The following CSMD1 variants were observed in gnomAD, a reference collection of about 807,000 sequenced individuals.
CSMD1 encodes the protein CUB and sushi domain-containing protein 1.
A neutral mutation model predicts 417.5 loss-of-function variants in CSMD1; 213 were observed. The observed-to-expected ratio is 0.51, with a 90% CI of 0.46 to 0.57. The LOEUF is 0.57. CSMD1 is among the 20% of genes least tolerant of loss of function. CSMD1 has a pLI of 0.00. For missense variants in CSMD1, 6,923 were observed against 4,529.7 expected, an observed-to-expected ratio of 1.53 and a Z score of -15.17; for synonymous variants, 2,862 against 1,736.8, an observed-to-expected ratio of 1.65 and a Z score of -16.11.
intron 6 of CSMD1, among the ~76,000 whole-genome samples, chr8:3,731,563 G>T (rs531987663): frequency 6.6e-6 from 1 of 152,100 alleles, no homozygotes; most frequent in Non-Finnish European, 1.5e-5. Flanking sequence ...TTCCACCCGT[G>T]AAGAATCTAA....
chr8:4,540,921 A>G (rs1797351498), intron 2 of CSMD1, among the ~76,000 whole-genome samples: 1 of 152,214 alleles, frequency 6.6e-6, no homozygotes, highest in Non-Finnish European at 1.5e-5. Flanking sequence ...ATGAGGCTGT[A>G]GACTAAACTG....
intron 2 of CSMD1, among the ~76,000 whole-genome samples, chr8:4,632,302 C>A (rs751361762): frequency 6.6e-6 from 1 of 152,136 alleles, no homozygotes; most frequent in Non-Finnish European, 1.5e-5. Flanking sequence ...CACCTGAGGT[C>A]AGGAGTTCTA....
chr8:4,078,494 G>A (rs180777806), intron 3 of CSMD1, among the ~76,000 whole-genome samples: 1 of 151,540 alleles, frequency 6.6e-6, no homozygotes, highest in Non-Finnish European at 1.5e-5. Context: ...TCGATCTCCT[G>A]ACCTTGTGAT....
intron 5 of CSMD1, among the ~76,000 whole-genome samples, chr8:3,872,983 C>T (rs542080111): frequency 5.3e-5 from 8 of 151,996 alleles, no homozygotes; most frequent in Middle Eastern, 3.4e-3. Context: ...TAGAGAAACG[C>T]AAATCAAAAC....
chr8:3,354,600 T>A (rs1391961453), intron 21 of CSMD1, among the ~76,000 whole-genome samples: 1 of 152,054 alleles, frequency 6.6e-6, no homozygotes, highest in Non-Finnish European at 1.5e-5. Context: ...TTTAAGAATT[T>A]CACAAAATGG....
chr8:3,099,420 G>A lies in CSMD1; in HGVS notation c.6950-2383C>T, dbSNP rs140321123. On this transcript the variant is annotated intron_variant, in intron 46 of 69. Transcript: ENST00000635120. ...CTGTCTGTGGTGGAGCAGATGGCAG[G>A]TTCAATAAACTTATTCACCTGACTT... Among the ~76,000 whole-genome samples the A allele has an allele frequency of 3.2e-3, 489 of 152,204 alleles. 5 individuals carry two copies. Among genetic ancestry groups the A allele is most frequent in the African/African-American group, 0.011 (469 of 41,526 alleles).
chr8:4,090,272 G>C (rs1585292017), intron 3 of CSMD1, among the ~76,000 whole-genome samples: 1 of 152,156 alleles, frequency 6.6e-6, no homozygotes, highest in South Asian at 2.1e-4. Context: ...AAAGAGCTTA[G>C]ATTCTAATTA....
intron 1 of CSMD1, among the ~76,000 whole-genome samples, chr8:4,726,682 C>T (rs1045495463): frequency 6.6e-6 from 1 of 152,166 alleles, no homozygotes; most frequent in Admixed American, 6.5e-5. Flanking sequence ...TGCTGCTGTC[C>T]TATTTCATCA....
chr8:3,166,190 A>G (rs1323275995), intron 37 of CSMD1, among the ~76,000 whole-genome samples: 1 of 151,884 alleles, frequency 6.6e-6, no homozygotes, highest in Non-Finnish European at 1.5e-5. Flanking sequence ...ATGTACTTTA[A>G]AAAAAAAGAA....
At chr8:4,902,418 C>A (rs1221905513) in intron 1 of CSMD1, among the ~76,000 whole-genome samples, 3 of 148,434 alleles carry the variant, frequency 2.0e-5, no homozygotes, top group Non-Finnish European at 4.5e-5. Flanking sequence ...GAACAAGAAC[C>A]CATCTCTAAA....
At chr8:3,486,225 T>A (rs1270020996) in intron 11 of CSMD1, among the ~76,000 whole-genome samples, 2 of 152,166 alleles carry the variant, frequency 1.3e-5, no homozygotes, top group African/African-American at 4.8e-5. Context: ...ACTATAGTAA[T>A]ACAATATTAC....
At chr8:4,394,361 C>T (rs756958102) in intron 3 of CSMD1, among the ~76,000 whole-genome samples, 1 of 152,144 alleles carries the variant, frequency 6.6e-6, no homozygotes, top group Admixed American at 6.5e-5. Context: ...TCTAAATGTC[C>T]TGTTTCCATC....
intron 3 of CSMD1, among the ~76,000 whole-genome samples, chr8:4,067,497 T>G (rs1162579963): frequency 6.6e-6 from 1 of 152,088 alleles, no homozygotes; most frequent in Non-Finnish European, 1.5e-5. Flanking sequence ...TTTTTTTAAT[T>G]TCAAAATTTT....
intron 5 of CSMD1, among the ~76,000 whole-genome samples, chr8:3,973,013 T>C (rs1217016071): frequency 1.3e-5 from 2 of 152,270 alleles, no homozygotes; most frequent in African/African-American, 4.8e-5. Flanking sequence ...CATTTATTTT[T>C]CTCTTCTAAC....
In CSMD1 at chr8:4,162,188, T is replaced by C. The variant is rs144754457; in HGVS notation, c.416-130089A>G. 4.6e-5 allele frequency among the ~76,000 whole-genome samples: 7 copies of C among 152,336 alleles called. No homozygotes were observed. The East Asian group carries it at 1.2e-3, about 25-fold the overall frequency. ...CCTGCCTGCTTTGCGCAACTTTTCT[T>C]TCCAAAATTATATGCATGTCTTTTA... On this transcript the variant is annotated intron_variant, in intron 3 of 69. Coordinates refer to ENST00000635120, the MANE Select transcript of CSMD1 (RefSeq NM_033225.6).
chr8:3,668,670 G>A (rs139665645), intron 7 of CSMD1, among the ~76,000 whole-genome samples: 3 of 152,270 alleles, frequency 2.0e-5, no homozygotes, highest in Middle Eastern at 6.8e-3. Context: ...AGTCTGAGGT[G>A]TCCAGAGATC....
At chr8:2,942,039 C>A (rs894377245) in intron 69 of CSMD1, among the ~76,000 whole-genome samples, 9 of 152,218 alleles carry the variant, frequency 5.9e-5, no homozygotes, top group African/African-American at 2.2e-4. Flanking sequence ...CAGAAAACAA[C>A]AGAAAGGACA....
intron 3 of CSMD1, among the ~76,000 whole-genome samples, chr8:4,039,376 G>A (rs1585184738): frequency 6.6e-6 from 1 of 152,148 alleles, no homozygotes; most frequent in African/African-American, 2.4e-5. Flanking sequence ...TCTCTCTCCT[G>A]GCTTTGGGAA....
intron 7 of CSMD1, among the ~76,000 whole-genome samples, chr8:3,655,283 G>C (rs926533043): frequency 1.3e-5 from 2 of 152,058 alleles, no homozygotes; most frequent in Non-Finnish European, 2.9e-5. Flanking sequence ...GAACATGAAG[G>C]CTATCTTTGT....
Sources: allele counts gnomAD v4.1 joint callset (sites outside exome capture counted in the v4.1 genomes callset), GRCh38; gene constraint gnomAD v4.1.1; transcripts MANE v1.5; gene names NCBI Gene and HGNC (gene_info 2026-07-23, HGNC 2026-07-21).